ESRRG: variants seen among roughly 807,000 people sequenced by gnomAD.
ESRRG encodes the protein estrogen related receptor gamma.
Under a neutral mutation model 44.0 loss-of-function variants are expected in ESRRG, and 13 were observed. That is an observed-to-expected ratio of 0.30 (90% confidence interval 0.19 to 0.47). The LOEUF (loss-of-function observed/expected upper bound fraction) is 0.47. ESRRG is among the 20% of genes least tolerant of loss of function. ESRRG has a pLI of 1.00. For synonymous variants in ESRRG, 215 were observed against 214.6 expected (o/e 1.00, Z -0.02); for missense variants, 395 against 580.6 (o/e 0.68, Z 3.29).
At chr1:216,557,037 C>G (rs992538658) in intron 5 of ESRRG, among the ~76,000 whole-genome samples, 8 of 152,118 alleles carry the variant, frequency 5.3e-5, no homozygotes, top group Non-Finnish European at 1.2e-4. Context: ...ATTAATTGCC[C>G]AGTGATCTGA....
intron 2 of ESRRG, among the ~76,000 whole-genome samples, chr1:216,744,078 T>C (rs1206003641): frequency 1.3e-5 from 2 of 152,102 alleles, no homozygotes; most frequent in East Asian, 3.9e-4. Flanking sequence ...CAGAAAGTTT[T>C]GCTAGGAGGG....
At chr1:216,908,797 T>A (rs1025652) in intron 2 of ESRRG, among the ~76,000 whole-genome samples, 73,222 of 150,084 alleles carry the variant, frequency 0.49, 18,621 homozygotes, top group East Asian at 0.69. Context: ...ACTCCCTAGG[T>A]ACAAGGCAAT....
At chr1:217,136,934 C>T (rs966746386) in intron 1 of ESRRG, among the ~76,000 whole-genome samples, 5 of 152,134 alleles carry the variant, frequency 3.3e-5, no homozygotes, top group Non-Finnish European at 5.9e-5. Context: ...CAGCTGACGC[C>T]AGGTACCGGG....
At chr1:216,927,466 G>A (rs1262464540) in intron 2 of ESRRG, among the ~76,000 whole-genome samples, 1 of 152,190 alleles carries the variant, frequency 6.6e-6, no homozygotes, top group East Asian at 1.9e-4. Context: ...CCCAAGGATG[G>A]ATCCAAGGGG....
At chr1:216,522,354 G>T (rs1250118486) in intron 5 of ESRRG, among the ~76,000 whole-genome samples, 1 of 132,494 alleles carries the variant, frequency 7.5e-6, no homozygotes, top group African/African-American at 2.9e-5. Context: ...ATATCCTCAA[G>T]TATATTTCAG....
chr1:217,133,214 C>T (rs1259311975), intron 1 of ESRRG, among the ~76,000 whole-genome samples: 1 of 152,248 alleles, frequency 6.6e-6, no homozygotes, highest in Non-Finnish European at 1.5e-5. Context: ...AAGTCACTTT[C>T]CTAAGCGACG....
At chr1:216,774,798 C>CTTCTTTTTTTTTTT (rs1553600739) in intron 2 of ESRRG, among the ~76,000 whole-genome samples, 1 of 110,850 alleles carries the variant, frequency 9.0e-6, no homozygotes, top group African/African-American at 3.7e-5. Context: ...ATAATTTCTT[C>CTTCTTTTTTTTTTT]TTTTTTTTTT....
chr1:216,941,366 T>G (rs2065195849), intron 1 of ESRRG, among the ~76,000 whole-genome samples: 1 of 152,156 alleles, frequency 6.6e-6, no homozygotes, highest in Admixed American at 6.6e-5. Context: ...CTGCTTTCTG[T>G]GTAATATTGC....
chr1:216,507,656 A>G (rs967164469), intron 6 of ESRRG, among the ~76,000 whole-genome samples: 14 of 152,208 alleles, frequency 9.2e-5, no homozygotes, highest in African/African-American at 2.7e-4. Context: ...GTTGACTAAG[A>G]TTCTAAGAAC....
Position 216,931,444 on chromosome 1 carries a change from G to C in ESRRG, c.-14+8138C>G, listed in dbSNP as rs149091412. ...GAGAAACTGCTCCTTCCTTATTCTG[G>C]AAAATGGACTCTGTCTTCCCAAAGT... On this transcript the variant is annotated intron_variant, in intron 2 of 7. Transcript: ENST00000359162. Among the ~76,000 whole-genome samples, 672 of 152,100 alleles carry C rather than the reference G, an allele frequency of 4.4e-3. 1 individual carries two copies. Among genetic ancestry groups the C allele is most frequent in the Middle Eastern group, 0.014 (4 of 294 alleles).
chr1:216,980,545 C>T (rs149555280), intron 1 of ESRRG, among the ~76,000 whole-genome samples: 112 of 152,206 alleles, frequency 7.4e-4, no homozygotes, highest in African/African-American at 2.6e-3. Flanking sequence ...GTCCGTGGGA[C>T]CTCTCCAACT....
intron 2 of ESRRG, among the ~76,000 whole-genome samples, chr1:216,658,299 T>A (rs1206017567): frequency 1.3e-5 from 2 of 152,090 alleles, no homozygotes; most frequent in Non-Finnish European, 2.9e-5. Flanking sequence ...TTTCCAGTTT[T>A]AAAAAAACTA....
At chr1:216,719,864 C>G (rs2085817423) in intron 1 of ESRRG, among the ~76,000 whole-genome samples, 1 of 152,014 alleles carries the variant, frequency 6.6e-6, no homozygotes, top group African/African-American at 2.4e-5. Context: ...GAAACCATCA[C>G]TGTAAGAAGA....
At chr1:216,645,996 G>A (rs1320314393) in intron 3 of ESRRG, among the ~76,000 whole-genome samples, 8 of 151,428 alleles carry the variant, frequency 5.3e-5, no homozygotes, top group African/African-American at 1.9e-4. Context: ...TGGGACATTA[G>A]CTTTCTCCTC....
At chr1:216,602,292 T>G (rs1333847002) in intron 3 of ESRRG, among the ~76,000 whole-genome samples, 1 of 152,210 alleles carries the variant, frequency 6.6e-6, no homozygotes, top group Non-Finnish European at 1.5e-5. Flanking sequence ...CACCCTCACT[T>G]GTCATGAGCC....
chr1:216,561,696 A>G (rs1343150068), intron 5 of ESRRG, among the ~76,000 whole-genome samples: 2 of 146,876 alleles, frequency 1.4e-5, no homozygotes, highest in African/African-American at 5.5e-5. Flanking sequence ...TGGCATAGGT[A>G]TTATTAAATT....
At chr1:216,560,476 T>C (rs2058506573) in intron 5 of ESRRG, among the ~76,000 whole-genome samples, 1 of 152,222 alleles carries the variant, frequency 6.6e-6, no homozygotes, top group Admixed American at 6.5e-5. Context: ...TAAATATGTT[T>C]AAGCCATTTA....
At chr1:217,089,407 G>C (rs568234168) in intron 1 of ESRRG, 1 of 151,754 alleles carries the variant, frequency 6.6e-6, no homozygotes, top group South Asian at 2.1e-4. Context: ...AAGGGGGAAG[G>C]GGGTAGCAAT....
intron 1 of ESRRG, among the ~76,000 whole-genome samples, chr1:217,085,952 C>A (rs141945626): frequency 3.2e-4 from 48 of 152,228 alleles, no homozygotes; most frequent in African/African-American, 1.2e-3. Context: ...ATTGCAAAGC[C>A]GTATGATTTC....
Sources: gnomAD v4.1 joint callset for allele counts (sites outside exome capture counted in the v4.1 genomes callset) on GRCh38, gnomAD v4.1.1 for gene constraint, MANE v1.5 for transcripts, NCBI Gene and HGNC (gene_info 2026-07-23, HGNC 2026-07-21) for gene names.